The following IRAG2 variants were observed in gnomAD, a reference collection of about 807,000 sequenced individuals.
IRAG2 encodes lymphoid restricted membrane protein.
A neutral mutation model predicts 69.9 loss-of-function variants in IRAG2; 45 were observed. That is an observed-to-expected ratio of 0.64 (90% confidence interval 0.51 to 0.83). IRAG2 has a LOEUF of 0.83. IRAG2 is among the 40% of genes least tolerant of loss of function. IRAG2 has a pLI of 0.00. For synonymous variants in IRAG2, 193 were observed against 202.4 expected, an observed-to-expected ratio of 0.95 and a Z score of 0.40; for missense variants, 520 against 587.0, an observed-to-expected ratio of 0.89 and a Z score of 1.18.
chr12:25,096,732 A>G (rs1306522048), intron 14 of IRAG2, 178 bp from the exon 15 acceptor site: 1 of 483,104 alleles, frequency 2.1e-6, no homozygotes, highest in African/African-American at 2.0e-5. Flanking sequence ...TCTACCCAGT[A>G]CCCAAAAAAG....
At chr12:25,011,003 A>T (rs1944470461) in intron 2 of IRAG2, among the ~76,000 whole-genome samples, 1 of 152,230 alleles carries the variant, frequency 6.6e-6, no homozygotes, top group African/African-American at 2.4e-5. Flanking sequence ...GAAAGGAAAA[A>T]ATGTAATGTC....
chr12:25,043,129 C>T (rs1944764252), intron 16 of IRAG2, among the ~76,000 whole-genome samples: 2 of 152,054 alleles, frequency 1.3e-5, no homozygotes, highest in Admixed American at 1.3e-4. Context: ...TGTGAAGAAC[C>T]CAGAAACTAG....
chr12:25,008,232 T>G (rs1944447846), intron 2 of IRAG2, among the ~76,000 whole-genome samples: 1 of 152,192 alleles, frequency 6.6e-6, no homozygotes, highest in South Asian at 2.1e-4. Context: ...TATGAACTAT[T>G]TTGCTATACT....
At chr12:25,021,076 T>TTA (rs574573829) in intron 7 of IRAG2, 112 of 391,478 alleles carry the variant, frequency 2.9e-4, no homozygotes, top group African/African-American at 2.1e-3. Context: ...TGTTTTCCTT[T>TTA]TCTTTCTTTC....
At chr12:25,075,517 TATGC>T (rs141958970) in intron 6 of IRAG2, among the ~76,000 whole-genome samples, 4 of 132,626 alleles carry the variant, frequency 3.0e-5, no homozygotes, top group East Asian at 2.2e-4. Context: ...TGTGTGTGTG[TATGC>T]GTGTGTGTGT....
At chr12:25,004,988 TAAAA>T in intron 1 of IRAG2, 2 of 938,920 alleles carry the variant, frequency 2.1e-6, no homozygotes, top group Non-Finnish European at 2.8e-6. Flanking sequence ...ATACCTGAAC[TAAAA>T]AAAAATCTAC....
intron 8 of IRAG2, among the ~76,000 whole-genome samples, chr12:25,025,365 C>G (rs1944612728): frequency 6.6e-6 from 1 of 152,190 alleles, no homozygotes; most frequent in South Asian, 2.1e-4. Flanking sequence ...GAGGCTGCAG[C>G]CTGCCTGCTA....
chr12:25,093,596 T>A (rs1275722098), intron 14 of IRAG2: 1 of 153,454 alleles, frequency 6.5e-6, no homozygotes, highest in African/African-American at 2.4e-5. Flanking sequence ...CGAGCTTCTT[T>A]TTGCTTCTTT....
chr12:25,042,687 G>A (rs995690411), intron 16 of IRAG2, among the ~76,000 whole-genome samples: 3 of 151,696 alleles, frequency 2.0e-5, no homozygotes, highest in Non-Finnish European at 2.9e-5. Context: ...GGATGGTCTC[G>A]ATCTCTTGAC....
chr12:25,096,710 CACCTGCGTATATCT>C (rs1451646951), intron 14 of IRAG2, among the ~76,000 whole-genome samples, 186 bp from the exon 15 acceptor site: 3 of 152,144 alleles, frequency 2.0e-5, no homozygotes, highest in Admixed American at 6.5e-5. Context: ...GATTTGTGAT[CACCTGCGTATATCT>C]ACCCAGTACC....
intron 14 of IRAG2, chr12:25,035,804 C>T: frequency 2.5e-6 from 1 of 398,940 alleles, no homozygotes; most frequent in Non-Finnish European, 4.4e-6. Flanking sequence ...TATAACATAC[C>T]TTTATCATGG....
chr12:25,034,023 C>T (rs1944688173), intron 13 of IRAG2: 2 of 397,254 alleles, frequency 5.0e-6, no homozygotes, highest in African/African-American at 4.1e-5. Flanking sequence ...AATGAAGGTT[C>T]ACAGCTTGCC....
At chr12:25,048,507 G>A (rs898710962), upstream of IRAG2, among the ~76,000 whole-genome samples, 4 of 152,202 alleles carry the variant, frequency 2.6e-5, no homozygotes. Flanking sequence ...ACGTTGGCCA[G>A]GCTGGTCTCA....
Position 25,066,355 on chromosome 12 carries a change from T to A in IRAG2, c.-206-10T>A. ...GGTCTCTATTTTTATTTTTTTCTGTTCTACTGCAGATGCCTTATCTCTGGA... is the reference window on the plus strand; with the variant it reads ...GGTCTCTATTTTTATTTTTTTCTGTACTACTGCAGATGCCTTATCTCTGGA... On this transcript the variant is annotated splice_polypyrimidine_tract_variant and intron_variant, in intron 4 of 21. Coordinates refer to ENST00000556887, the MANE Select transcript of IRAG2 (RefSeq NM_001366544.2). 2.5e-6 allele frequency: 1 copy of A among 401,096 alleles called. No homozygotes were observed. The highest frequency in any genetic ancestry group is 4.4e-6 in the Non-Finnish European group (1 of 226,194). 24.8% of individuals were successfully genotyped at this position (401,096 alleles called of 1,614,324 possible).
intron 6 of IRAG2, among the ~76,000 whole-genome samples, chr12:25,077,227 A>G (rs1378665059): frequency 2.0e-5 from 2 of 100,634 alleles, no homozygotes; most frequent in Non-Finnish European, 4.4e-5. Context: ...TGAAATATAT[A>G]TGATATATAT....
At chr12:25,020,069 A>G (rs891155630) in intron 6 of IRAG2, among the ~76,000 whole-genome samples, 2 of 152,212 alleles carry the variant, frequency 1.3e-5, no homozygotes, top group Admixed American at 6.5e-5. Context: ...TCAGCACTCA[A>G]TTAGTATTTG....
rs949381840 is a variant in IRAG2 at position 25,015,451 on chromosome 12, C to T, written c.1055+23C>T. The T allele has an allele frequency of 1.7e-5, 20 of 1,210,540 alleles. No homozygotes were observed. The African/African-American group carries it at 2.7e-4, about 16-fold the overall frequency. The allele number at this position is 1,210,540 out of a possible 1,614,324, so 75.0% of individuals were successfully genotyped here. A position where few individuals can be genotyped will look rare whatever the true frequency, so the allele number is the denominator to read the frequency against. ...CTTGTAAGCCTTCTTACTCTGCTTT[C>T]GCAAGTGTTTCAACTTCATTTTTCT... On this transcript the variant is annotated intron_variant, in intron 5 of 38. Transcript: ENST00000636465.
At chr12:25,096,843 G>A (rs1948449006) in intron 14 of IRAG2, 67 bp from the exon 15 acceptor site, 1 of 1,288,292 alleles carries the variant, frequency 7.8e-7, no homozygotes, top group Non-Finnish European at 1.1e-6. Flanking sequence ...TTGCAACTTA[G>A]TCAGTGTTAG....
intron 9 of IRAG2, among the ~76,000 whole-genome samples, chr12:25,082,713 T>C (rs76130174): frequency 0.078 from 11,827 of 152,198 alleles, 479 homozygotes; most frequent in Non-Finnish European, 0.089. Context: ...ACCATTTTGT[T>C]CTTATTTCCA....
Sources: gnomAD v4.1 joint callset for allele counts (sites outside exome capture counted in the v4.1 genomes callset) on GRCh38, gnomAD v4.1.1 for gene constraint, MANE v1.5 for transcripts, NCBI Gene and HGNC (gene_info 2026-07-23, HGNC 2026-07-21) for gene names.